TLK1: variants seen among roughly 807,000 people sequenced by gnomAD.
The protein encoded by TLK1 is serine/threonine-protein kinase tousled-like 1.
A neutral mutation model predicts 105.3 loss-of-function variants in TLK1; 24 were observed. The observed-to-expected ratio is 0.23, with a 90% CI of 0.17 to 0.32. The LOEUF is 0.32. Among genes scored for constraint, TLK1 ranks in the 10% least tolerant of loss-of-function variants. The pLI is 1.00. For synonymous variants in TLK1, 321 were observed against 310.4 expected (o/e 1.03, Z -0.36); for missense variants, 558 against 910.5 (o/e 0.61, Z 4.98).
intron 11 of TLK1, among the ~76,000 whole-genome samples, chr2:171,035,036 T>A (rs192054884): frequency 6.6e-6 from 1 of 152,112 alleles, no homozygotes; most frequent in Non-Finnish European, 1.5e-5. Context: ...CAAGATCTGA[T>A]GGCTTTAAAA....
intron 2 of TLK1, among the ~76,000 whole-genome samples, chr2:171,101,407 T>A (rs1689687609): frequency 1.4e-5 from 2 of 143,402 alleles, no homozygotes; most frequent in African/African-American, 2.7e-5. Flanking sequence ...TCCATTGATA[T>A]AAAATGTCCA....
chr2:170,994,077 G>T, intron 20 of TLK1, 121 bp from the exon 21 acceptor site: 1 of 1,120,308 alleles, frequency 8.9e-7, no homozygotes. Context: ...TTTATTGGAA[G>T]TTCAAACCTT....
At chr2:171,076,496 TTC>T (rs1688513095) in intron 3 of TLK1, among the ~76,000 whole-genome samples, 1 of 152,120 alleles carries the variant, frequency 6.6e-6, no homozygotes, top group African/African-American at 2.4e-5. Context: ...GTCTGTGATA[TTC>T]TGTTAGAGCA....
intron 11 of TLK1, among the ~76,000 whole-genome samples, chr2:171,041,209 G>C (rs1294733101): frequency 6.6e-6 from 1 of 152,148 alleles, no homozygotes; most frequent in East Asian, 1.9e-4. Flanking sequence ...ACTGACTCTT[G>C]CTAATAGTTA....
intron 1 of TLK1, among the ~76,000 whole-genome samples, chr2:171,139,085 G>A (rs183881644): frequency 3.3e-5 from 5 of 152,226 alleles, no homozygotes; most frequent in South Asian, 2.1e-4. Flanking sequence ...TGACTAAGAC[G>A]TGTATCACAT....
chr2:171,184,081 G>A (rs574302078), intron 1 of TLK1, among the ~76,000 whole-genome samples: 2 of 152,260 alleles, frequency 1.3e-5, no homozygotes, highest in East Asian at 1.9e-4. Flanking sequence ...GTCAGAGGGC[G>A]ATGTGACTAC....
intron 1 of TLK1, among the ~76,000 whole-genome samples, chr2:171,190,456 A>C (rs1057024774): frequency 1.3e-5 from 2 of 152,212 alleles, no homozygotes; most frequent in African/African-American, 4.8e-5. Context: ...TCACAAGAAA[A>C]TCTGAAATGC....
In TLK1 at chr2:171,006,659, G is replaced by C. The variant is rs1452610643; in HGVS notation, c.1599-16C>G. The C allele has an allele frequency of 6.2e-7, 1 of 1,611,380 alleles. No individual in the cohort carries two copies. Among genetic ancestry groups the C allele is most frequent in the Non-Finnish European group, 8.5e-7 (1 of 1,179,544 alleles). On this transcript the variant is annotated splice_polypyrimidine_tract_variant and intron_variant, in intron 16 of 20. Transcript: ENST00000431350. The stretch of plus-strand genomic sequence containing the variant: ...TGTACAAAACCTACAACAGAGAAGA[G>C]AAAAAAATTAGACATAAGTAATATC...
intron 1 of TLK1, among the ~76,000 whole-genome samples, chr2:171,138,899 A>T (rs1691454194): frequency 6.6e-6 from 1 of 152,150 alleles, no homozygotes; most frequent in Non-Finnish European, 1.5e-5. Flanking sequence ...AGACATTCAT[A>T]TTTTTTTACT....
intron 14 of TLK1, among the ~76,000 whole-genome samples, chr2:171,010,075 T>A (rs1178702794): frequency 1.3e-5 from 2 of 152,146 alleles, no homozygotes; most frequent in African/African-American, 4.8e-5. Flanking sequence ...ACAAAATGAC[T>A]TGAGAAAAGC....
chr2:171,087,271 A>C (rs934782701), intron 2 of TLK1, among the ~76,000 whole-genome samples: 2 of 152,240 alleles, frequency 1.3e-5, no homozygotes, highest in Non-Finnish European at 2.9e-5. Flanking sequence ...AAGTAGCTCA[A>C]ACGACAAGAT....
At chr2:171,130,114 G>C (rs1691038975) in intron 1 of TLK1, among the ~76,000 whole-genome samples, 2 of 152,090 alleles carry the variant, frequency 1.3e-5, no homozygotes, top group South Asian at 4.1e-4. Context: ...TAAAATCTTG[G>C]TAATAACGGC....
chr2:171,017,120 CA>C (rs1331052945), intron 12 of TLK1, among the ~76,000 whole-genome samples: 2 of 151,948 alleles, frequency 1.3e-5, no homozygotes, highest in Non-Finnish European at 2.9e-5. Context: ...AGCTTTGAGA[CA>C]AAAAACTCAA....
At chr2:171,051,761 G>A (rs187620890) in intron 8 of TLK1, among the ~76,000 whole-genome samples, 2 of 152,218 alleles carry the variant, frequency 1.3e-5, no homozygotes, top group Admixed American at 6.5e-5. Flanking sequence ...TACTTGTGTA[G>A]AGACACAAAC....
rs35175399 is a variant in TLK1 at position 171,193,700 on chromosome 2, ATTTTTTTTTTTTTTTTTT to A, written c.-6+37427_-6+37444del. Among the ~76,000 whole-genome samples the A allele has an allele frequency of 3.5e-3, 226 of 64,638 alleles. 1 individual carries two copies. The highest frequency in any genetic ancestry group is 0.03 in the South Asian group (52 of 1,760). The allele number at this position is 64,638 out of a possible 152,430, so 42.4% of individuals were successfully genotyped here. A position where few individuals can be genotyped will look rare whatever the true frequency, so the allele number is the denominator to read the frequency against. ...ATAGGCGTGAGCCACAGCGCCTGGC[ATTTTTTTTTTTTTTTTTT>A]TTTTTTTTTTTTTTGAGACAGGGTT... On this transcript the variant is annotated intron_variant, in intron 1 of 20. Coordinates refer to the TLK1 transcript ENST00000521943.
rs1430758316 is a variant in TLK1, at chr2:171,056,497, G to A, written c.523C>T (p.His175Tyr). 6.2e-7 allele frequency: 1 copy of A among 1,611,952 alleles called. No individual in the cohort carries two copies. Among genetic ancestry groups the A allele is most frequent in the East Asian group, 2.2e-5 (1 of 44,786 alleles). Residue 175 changes from histidine to tyrosine, a missense_variant, in exon 6 of 21, where the codon CAT (histidine) becomes TAT (tyrosine). Physicochemically the swap from His to Tyr is moderately conservative, Grantham distance 83 (BLOSUM62 2). Coordinates refer to ENST00000431350, the MANE Select transcript of TLK1 (RefSeq NM_012290.5). ...PPAIRSPQNSHSHSTPSSSVR... is the reference protein window; with the variant it reads ...PPAIRSPQNSYSHSTPSSSVR... ...GATGAGGAAGGAGTGGAATGTGAAT[G>A]TGAATTTTGAGGAGAACGGATTGCA...
intron 1 of TLK1, among the ~76,000 whole-genome samples, chr2:171,195,347 C>CA (rs1693248809): frequency 1.3e-5 from 2 of 151,676 alleles, no homozygotes; most frequent in African/African-American, 2.4e-5. Flanking sequence ...ACTAAAACTA[C>CA]AAAAAATTAG....
intron 1 of TLK1, among the ~76,000 whole-genome samples, chr2:171,157,414 G>GT (rs1692282105): frequency 6.6e-6 from 1 of 152,170 alleles, no homozygotes; most frequent in Non-Finnish European, 1.5e-5. Flanking sequence ...GAGATTATAG[G>GT]TTTAAAAGAT....
intron 6 of TLK1, 42 bp from the exon 7 acceptor site, chr2:171,055,214 A>AC (rs1558912838): frequency 8.4e-7 from 1 of 1,194,990 alleles, no homozygotes; most frequent in Non-Finnish European, 1.1e-6. Context: ...AAAAAAAAAA[A>AC]AAAAAAACAC....
Sources: allele counts gnomAD v4.1 joint callset (sites outside exome capture counted in the v4.1 genomes callset), GRCh38; gene constraint gnomAD v4.1.1; transcripts MANE v1.5; gene names NCBI Gene and HGNC (gene_info 2026-07-23, HGNC 2026-07-21).